The following FGGY variants were observed in gnomAD, a reference collection of about 807,000 sequenced individuals.
The protein encoded by FGGY is FGGY carbohydrate kinase domain-containing protein.
In FGGY, 72 loss-of-function variants were observed where a neutral mutation model predicts 71.3. The observed-to-expected ratio is 1.01, with a 90% CI of 0.84 to 1.23. FGGY has a LOEUF of 1.23. Among genes scored for constraint, FGGY ranks in the 50% most tolerant of loss-of-function variants. The pLI is 0.00. For missense variants in FGGY, 668 were observed against 682.3 expected (o/e 0.98, Z 0.23); for synonymous variants, 251 against 250.3 (o/e 1.00, Z -0.02).
At chr1:59,486,386 T>G (rs2093659174) in intron 6 of FGGY, among the ~76,000 whole-genome samples, 1 of 152,160 alleles carries the variant, frequency 6.6e-6, no homozygotes, top group Non-Finnish European at 1.5e-5. Flanking sequence ...ATAAATGTTT[T>G]GAATCAAAAG....
At chr1:59,392,256 A>T (rs1199967242) in intron 5 of FGGY, among the ~76,000 whole-genome samples, 1 of 152,180 alleles carries the variant, frequency 6.6e-6, no homozygotes, top group Non-Finnish European at 1.5e-5. Flanking sequence ...TAGTCTCAAG[A>T]ACCTTGGTAG....
At chr1:59,687,127 G>GC (rs2097549736) in intron 14 of FGGY, among the ~76,000 whole-genome samples, 1 of 152,158 alleles carries the variant, frequency 6.6e-6, no homozygotes, top group African/African-American at 2.4e-5. Flanking sequence ...AGGCTCTCTT[G>GC]CACCTGGCCT....
chr1:59,683,627 G>T (rs2097522925), intron 14 of FGGY, among the ~76,000 whole-genome samples: 1 of 152,162 alleles, frequency 6.6e-6, no homozygotes, highest in Non-Finnish European at 1.5e-5. Context: ...AAACCTGGGA[G>T]GTCAGGAAGA....
chr1:59,615,580 G>A (rs1419805684), intron 9 of FGGY, among the ~76,000 whole-genome samples: 1 of 152,112 alleles, frequency 6.6e-6, no homozygotes, highest in Non-Finnish European at 1.5e-5. Context: ...CAGGACATAG[G>A]CATGGGCAAG....
chr1:59,612,729 C>A (rs867628186), intron 9 of FGGY, among the ~76,000 whole-genome samples: 50 of 152,228 alleles, frequency 3.3e-4, no homozygotes, highest in Middle Eastern at 3.4e-3. Context: ...AAGACCCATC[C>A]ATGTGCTGTA....
chr1:59,365,942 G>A (rs1260740567), intron 4 of FGGY, among the ~76,000 whole-genome samples: 1 of 152,212 alleles, frequency 6.6e-6, no homozygotes, highest in Non-Finnish European at 1.5e-5. Context: ...AAGCTACACA[G>A]CTGTTAAGTG....
At chr1:59,634,628 A>G (rs1458654967) in intron 10 of FGGY, among the ~76,000 whole-genome samples, 1 of 152,048 alleles carries the variant, frequency 6.6e-6, no homozygotes, top group Non-Finnish European at 1.5e-5. Flanking sequence ...GATTTCAGGG[A>G]TGTTGTCTGC....
chr1:59,501,008 G>C (rs527382202), intron 6 of FGGY, among the ~76,000 whole-genome samples: 2 of 152,312 alleles, frequency 1.3e-5, no homozygotes, highest in African/African-American at 4.8e-5. Flanking sequence ...CAGATCACCA[G>C]AAGACATTTG....
chr1:59,332,531 C>T (rs1207065857), intron 2 of FGGY, among the ~76,000 whole-genome samples: 1 of 152,114 alleles, frequency 6.6e-6, no homozygotes, highest in Non-Finnish European at 1.5e-5. Flanking sequence ...TGAGCATGAT[C>T]ATAAGGCATT....
intron 5 of FGGY, among the ~76,000 whole-genome samples, chr1:59,389,682 C>T (rs889628525): frequency 3.3e-5 from 5 of 152,132 alleles, no homozygotes; most frequent in Admixed American, 6.5e-5. Context: ...TATGGCTGCT[C>T]CATTTTACAT....
In FGGY at chr1:59,350,568, A is replaced by C. The variant is rs140703980; in HGVS notation, c.465+4170A>C. ...CATGAGCTGGGGTGCTTCAGCAAGC[A>C]TAGCAGGAGATGAGGCCAGGTAAAT... is the stretch of plus-strand genomic sequence containing the variant. On this transcript the variant is annotated intron_variant, in intron 4 of 15. Coordinates refer to ENST00000303721, the MANE Select transcript of FGGY (RefSeq NM_018291.5). Among the ~76,000 whole-genome samples, 132 of 152,282 alleles carry C rather than the reference A, an allele frequency of 8.7e-4. 2 individuals carry two copies. In the East Asian group the frequency reaches 0.023, roughly 27 times the overall value.
Position 59,740,934 on chromosome 1 carries a change from G to T in FGGY, c.1513-16997G>T, listed in dbSNP as rs1198261968. ...TTTCAAACATTTTGCATGAATAAAA[G>T]AATGTAAAATATCTCATAAATAATT... On this transcript the variant is annotated intron_variant, in intron 14 of 15. Transcript: ENST00000303721. Among the ~76,000 whole-genome samples the T allele has an allele frequency of 3.3e-5, 5 of 152,290 alleles. No individual in the cohort carries two copies. In the East Asian group the frequency reaches 9.6e-4, roughly 29 times the overall value.
At chr1:59,361,314 G>A (rs941147396) in intron 4 of FGGY, among the ~76,000 whole-genome samples, 10 of 152,142 alleles carry the variant, frequency 6.6e-5, no homozygotes, top group African/African-American at 2.4e-4. Flanking sequence ...CTAGAAAGGA[G>A]ATAAGAGATA....
chr1:59,337,633 A>G (rs1374875222), intron 2 of FGGY, among the ~76,000 whole-genome samples: 2 of 152,104 alleles, frequency 1.3e-5, no homozygotes, highest in Non-Finnish European at 2.9e-5. Context: ...GAATGGGATT[A>G]TTTTCTTAAT....
intron 9 of FGGY, among the ~76,000 whole-genome samples, chr1:59,615,003 C>G (rs965242128): frequency 3.3e-5 from 5 of 152,010 alleles, no homozygotes; most frequent in African/African-American, 1.2e-4. Context: ...TAAAAGAGGA[C>G]ACAAACAAAT....
At chr1:59,330,348 A>C (rs1459717725) in intron 2 of FGGY, among the ~76,000 whole-genome samples, 1 of 152,088 alleles carries the variant, frequency 6.6e-6, no homozygotes, top group East Asian at 1.9e-4. Context: ...AGGTGGGCAG[A>C]TCATGAGGTC....
At chr1:59,466,882 G>C (rs528908879) in intron 6 of FGGY, among the ~76,000 whole-genome samples, 1 of 152,132 alleles carries the variant, frequency 6.6e-6, no homozygotes, top group Non-Finnish European at 1.5e-5. Context: ...GGACAAATAG[G>C]AACACTTTTA....
chr1:59,614,436 C>T (rs2096727327), intron 9 of FGGY, among the ~76,000 whole-genome samples: 1 of 152,112 alleles, frequency 6.6e-6, no homozygotes, highest in Non-Finnish European at 1.5e-5. Context: ...AGGCCTTTGA[C>T]AAAATTCAAC....
At chr1:59,511,703 T>G (rs1281482735) in intron 6 of FGGY, among the ~76,000 whole-genome samples, 2 of 152,202 alleles carry the variant, frequency 1.3e-5, no homozygotes, top group East Asian at 3.8e-4. Flanking sequence ...AGAACATCAT[T>G]CAAATTGTAT....
Sources: allele counts gnomAD v4.1 joint callset (sites outside exome capture counted in the v4.1 genomes callset), GRCh38; gene constraint gnomAD v4.1.1; transcripts MANE v1.5; gene names NCBI Gene and HGNC (gene_info 2026-07-23, HGNC 2026-07-21).